FAM200C: variants seen among roughly 807,000 people sequenced by gnomAD.
the FAM200C span, chr5:160,394,317 G>A: frequency 1.2e-6 from 2 of 1,613,796 alleles, no homozygotes; most frequent in Non-Finnish European, 1.7e-6. Context: ...CCAGTCCTCT[G>A]CATAGATGCA....
chr5:160,398,016 C>G, the FAM200C span, among the ~76,000 whole-genome samples: 1 of 152,192 alleles, frequency 6.6e-6, no homozygotes, highest in Non-Finnish European at 1.5e-5. Context: ...CCAAGGCGGG[C>G]AGATCACTTG....
chr5:160,397,020 T>C, the FAM200C span, among the ~76,000 whole-genome samples: 2 of 152,244 alleles, frequency 1.3e-5, no homozygotes, highest in African/African-American at 4.8e-5. Flanking sequence ...AGATAATTCT[T>C]ATAAATAGTA....
chr5:160,395,328 GCTGT>G, the FAM200C span: 4 of 1,614,058 alleles, frequency 2.5e-6, no homozygotes, highest in Non-Finnish European at 3.4e-6. Context: ...ACACCACCAT[GCTGT>G]CTGTTAAAAT....
chr5:160,395,526 G>T, the FAM200C span: 6 of 1,557,850 alleles, frequency 3.9e-6, no homozygotes. Flanking sequence ...TTCCAGAGAT[G>T]CCACAGAATT....
chr5:160,398,290 C>T, the FAM200C span, among the ~76,000 whole-genome samples: 1 of 152,104 alleles, frequency 6.6e-6, no homozygotes, highest in African/African-American at 2.4e-5. Flanking sequence ...TGGCTCATGT[C>T]CATAATCCCA....
the FAM200C span, among the ~76,000 whole-genome samples, chr5:160,395,926 T>A: frequency 6.6e-6 from 1 of 152,198 alleles, no homozygotes; most frequent in African/African-American, 2.4e-5. Context: ...GATGTATGCA[T>A]ACCCTCAGTT....
At chr5:160,393,712 T>A in the FAM200C span, 1 of 1,545,662 alleles carries the variant, frequency 6.5e-7, no homozygotes, top group South Asian at 1.2e-5. Flanking sequence ...CAGCTTACAG[T>A]GACTTCTGCT....
At chr5:160,394,814 A>C in the FAM200C span, 3 of 1,613,340 alleles carry the variant, frequency 1.9e-6, no homozygotes, top group African/African-American at 4.0e-5. Context: ...CTTCAGAAAG[A>C]AGTCTCTGAA....
chr5:160,394,866 G>T, the FAM200C span: 1 of 1,612,986 alleles, frequency 6.2e-7, no homozygotes, highest in Admixed American at 1.7e-5. Context: ...AGCTGCAATG[G>T]TTCACAGAAG....
chr5:160,394,854 A>G, the FAM200C span: 2 of 1,613,354 alleles, frequency 1.2e-6, no homozygotes, highest in Non-Finnish European at 8.5e-7. Context: ...CCTTTCATGG[A>G]TAGCTGCAAT....
chr5:160,393,665 G>A, the FAM200C span: 2 of 1,304,734 alleles, frequency 1.5e-6, no homozygotes, highest in Non-Finnish European at 2.1e-6. Context: ...ATTTTACAAT[G>A]ATATTAAGAT....
At chr5:160,395,310 GC>G in the FAM200C span, 1 of 1,614,170 alleles carries the variant, frequency 6.2e-7, no homozygotes, top group East Asian at 2.2e-5. Context: ...TTGAGATCAT[GC>G]CCAGCTACAC....
the FAM200C span, chr5:160,394,957 C>T: frequency 6.2e-7 from 1 of 1,613,630 alleles, no homozygotes; most frequent in Non-Finnish European, 8.5e-7. Context: ...TGTCAGTTGT[C>T]TCAGCAAGCT....
At chr5:160,394,108 A>C in the FAM200C span, 2 of 1,613,514 alleles carry the variant, frequency 1.2e-6, no homozygotes, top group Non-Finnish European at 8.5e-7. Flanking sequence ...CAATGGAAAA[A>C]TATCCATGGA....
chr5:160,395,639 C>T, the FAM200C span: 1 of 682,936 alleles, frequency 1.5e-6, no homozygotes, highest in Non-Finnish European at 2.6e-6. Context: ...AAGATACAGC[C>T]TGCAGCATGT....
the FAM200C span, chr5:160,393,733 C>T: frequency 6.4e-7 from 1 of 1,551,868 alleles, no homozygotes; most frequent in African/African-American, 1.4e-5. Flanking sequence ...GTAGCTGTAG[C>T]TTTTGTTCAA....
At chr5:160,394,923 C>T in the FAM200C span, 1 of 1,613,094 alleles carries the variant, frequency 6.2e-7, no homozygotes, top group Non-Finnish European at 8.5e-7. Flanking sequence ...CGCACAAATG[C>T]CATTAGCTGA....
At chr5:160,395,773 GA>G in the FAM200C span, among the ~76,000 whole-genome samples, 1 of 152,162 alleles carries the variant, frequency 6.6e-6, no homozygotes, top group African/African-American at 2.4e-5. Context: ...GACAAGTTAT[GA>G]ACACCTGTAA....
chr5:160,396,472 C>A, the FAM200C span, among the ~76,000 whole-genome samples: 4 of 151,962 alleles, frequency 2.6e-5, no homozygotes, highest in African/African-American at 7.3e-5. Flanking sequence ...GCAAAATGGT[C>A]GGGCGTGGTA....
Sources: gnomAD v4.1 joint callset for allele counts (sites outside exome capture counted in the v4.1 genomes callset) on GRCh38, gnomAD v4.1.1 for gene constraint, MANE v1.5 for transcripts.